The following EIF2S1 variants were observed in gnomAD, a reference collection of about 807,000 sequenced individuals.
EIF2S1 encodes the protein eukaryotic translation initiation factor 2 subunit 1.
A neutral mutation model predicts 33.5 loss-of-function variants in EIF2S1; 5 were observed. The observed-to-expected ratio is 0.15, with a 90% CI of 0.08 to 0.31. EIF2S1 has a LOEUF of 0.31. Ranked by LOEUF, EIF2S1 falls within the 10% of genes least tolerant of loss-of-function variation. The pLI is 1.00. For missense variants in EIF2S1, 191 were observed against 384.6 expected (o/e 0.50, Z 4.21); for synonymous variants, 99 against 127.5 (o/e 0.78, Z 1.51).
In EIF2S1 at chr14:67,384,884, G is replaced by C. The variant is rs1305451041; in HGVS notation, c.*1444G>C. On this transcript the variant is annotated 3_prime_UTR_variant, in exon 8 of 8. Transcript: ENST00000256383. Reference sequence around the variant, plus strand: ...CATATAATTTTCACTTCTGTCTGTTGAGGCATCAAAAAAACAAGTTTAGAA... The same window carrying C: ...CATATAATTTTCACTTCTGTCTGTTCAGGCATCAAAAAAACAAGTTTAGAA... The C allele has an allele frequency of 6.6e-6, 1 of 152,138 alleles. No homozygotes were observed. The highest frequency in any genetic ancestry group is 2.4e-5 in the African/African-American group (1 of 41,412). The allele number at this position is 152,138 out of a possible 1,614,324, so 9.4% of individuals were successfully genotyped here.
chr14:67,364,871 G>A lies in EIF2S1; in HGVS notation c.104G>A (p.Ser35Asn). The stretch of plus-strand genomic sequence containing the variant: ...ATTGCTGAAATGGGGGCTTATGTCA[G>A]CTTGCTGGAATACAACAACATTGAA... ...RSIAEMGAYV[S>N]LLEYNNIEGM... The change falls in exon 2 of 8, where the codon AGC becomes AAC. Residue 35 changes from serine (S) to asparagine (N), a missense_variant. Physicochemically the swap from Ser to Asn is conservative, Grantham distance 46. Coordinates refer to ENST00000256383, the MANE Select transcript of EIF2S1 (RefSeq NM_004094.5). The A allele has an allele frequency of 1.9e-6, 3 of 1,614,008 alleles. No individual in the cohort carries two copies. Among genetic ancestry groups the A allele is most frequent in the Non-Finnish European group, 2.5e-6 (3 of 1,179,940 alleles).
At chr14:67,381,783 T>A in intron 6 of EIF2S1, 93 bp downstream of exon 6, 1 of 898,608 alleles carries the variant, frequency 1.1e-6, no homozygotes, top group Non-Finnish European at 1.7e-6. Flanking sequence ...TTTAATCACA[T>A]TTCATAACAA....
intron 1 of EIF2S1, among the ~76,000 whole-genome samples, chr14:67,363,693 A>G (rs1279395064): frequency 1.3e-5 from 2 of 152,208 alleles, no homozygotes; most frequent in African/African-American, 4.8e-5. Flanking sequence ...GGCAATGGCC[A>G]GATCATATAG....
chr14:67,371,790 C>T (rs975923914), intron 2 of EIF2S1, among the ~76,000 whole-genome samples: 1 of 152,196 alleles, frequency 6.6e-6, no homozygotes, highest in Non-Finnish European at 1.5e-5. Context: ...ATGAGGCCAT[C>T]ATAACCCTGA....
intron 2 of EIF2S1, among the ~76,000 whole-genome samples, chr14:67,370,984 A>G (rs541633666): frequency 7.2e-5 from 11 of 152,126 alleles, no homozygotes; most frequent in Non-Finnish European, 1.5e-5. Context: ...AGCCGAGGTC[A>G]TGCCACTACA....
At chr14:67,378,519 T>C (rs2141146978) in intron 4 of EIF2S1, among the ~76,000 whole-genome samples, 1 of 152,296 alleles carries the variant, frequency 6.6e-6, no homozygotes, top group South Asian at 2.1e-4. Flanking sequence ...AGCCAGGCAG[T>C]ATTCAAACGC....
chr14:67,362,810 A>T (rs1036333787), intron 1 of EIF2S1, among the ~76,000 whole-genome samples: 2 of 152,208 alleles, frequency 1.3e-5, no homozygotes, highest in African/African-American at 4.8e-5. Flanking sequence ...TTGTCAACCA[A>T]TATGCAGGTT....
chr14:67,381,493 A>T, intron 5 of EIF2S1, 100 bp from the exon 6 acceptor site: 1 of 853,232 alleles, frequency 1.2e-6, no homozygotes, highest in Non-Finnish European at 1.9e-6. Flanking sequence ...ATTCAGTATA[A>T]GTATTTGAAT....
intron 2 of EIF2S1, among the ~76,000 whole-genome samples, chr14:67,372,052 C>T (rs2085825633): frequency 6.6e-6 from 1 of 151,954 alleles, no homozygotes; most frequent in South Asian, 2.1e-4. Flanking sequence ...ATCACTTGAG[C>T]CCAGGAGTTC....
intron 2 of EIF2S1, among the ~76,000 whole-genome samples, chr14:67,365,531 A>G (rs992589998): frequency 2.6e-5 from 4 of 152,212 alleles, no homozygotes; most frequent in Non-Finnish European, 5.9e-5. Flanking sequence ...GTTTGCATCT[A>G]CCAGATCTCG....
chr14:67,376,475 G>C lies in EIF2S1; in HGVS notation c.358G>C (p.Glu120Gln). Residue 120 changes from glutamate (E) to glutamine (Q), a missense_variant, in exon 4 of 8, where the codon GAA (glutamate) becomes CAA (glutamine). By Grantham distance (29) the Glu-to-Gln change is conservative. Coordinates refer to ENST00000256383, the MANE Select transcript of EIF2S1 (RefSeq NM_004094.5). Reference sequence around the variant, plus strand: ...TCTTCGTCATGTTGCTGAGGTGTTAGAATACACCAAGGATGAGCAGCTGGA... The same window carrying C: ...TCTTCGTCATGTTGCTGAGGTGTTACAATACACCAAGGATGAGCAGCTGGA... Reference protein sequence around the residue: ...SILRHVAEVLEYTKDEQLESL... With the variant: ...SILRHVAEVLQYTKDEQLESL... 1 of 1,613,924 alleles carries C rather than the reference G, an allele frequency of 6.2e-7. No homozygotes were observed. Among genetic ancestry groups the C allele is most frequent in the East Asian group, 2.2e-5 (1 of 44,874 alleles).
chr14:67,381,798 G>T, intron 6 of EIF2S1, 108 bp downstream of exon 6: 2 of 777,762 alleles, frequency 2.6e-6, no homozygotes, highest in South Asian at 2.0e-5. Context: ...TAACAAAAGT[G>T]GGTTTTTTAC....
intron 2 of EIF2S1, among the ~76,000 whole-genome samples, chr14:67,367,422 G>T (rs183854958): frequency 1.6e-4 from 25 of 152,184 alleles, no homozygotes; most frequent in African/African-American, 6.0e-4. Context: ...GTAGAGACAG[G>T]GTTTCACCAT....
chr14:67,382,383 G>A, intron 6 of EIF2S1, 64 bp from the exon 7 acceptor site: 1 of 1,433,404 alleles, frequency 7.0e-7, no homozygotes. Context: ...AAAATCTCAA[G>A]CATCCTAATA....
At chr14:67,365,413 G>T (rs983523763) in intron 2 of EIF2S1, among the ~76,000 whole-genome samples, 2 of 152,188 alleles carry the variant, frequency 1.3e-5, no homozygotes, top group African/African-American at 4.8e-5. Flanking sequence ...TGAAAATGGG[G>T]CAAATGGATT....
Position 67,383,759 on chromosome 14 carries a change from A to G in EIF2S1, c.*319A>G, listed in dbSNP as rs117099951. On this transcript the variant is annotated 3_prime_UTR_variant, in exon 8 of 8. Transcript: ENST00000256383. Reference sequence around the variant, plus strand: ...CAGATTGGCACCCCTTTCTAGTTCAATGCCTCACGAGATTTGCCAGGGGCA... The same window carrying G: ...CAGATTGGCACCCCTTTCTAGTTCAGTGCCTCACGAGATTTGCCAGGGGCA... The G allele has an allele frequency of 6.0e-3, 1,916 of 319,674 alleles. 64 individuals carry two copies. The highest frequency in any genetic ancestry group is 0.06 in the Admixed American group (1,382 of 23,156). The allele number at this position is 319,674 out of a possible 1,614,324, so 19.8% of individuals were successfully genotyped here.
rs977193343 is a variant in EIF2S1 at position 67,385,453 on chromosome 14, A to C, written c.*2013A>C. 1 of 151,768 alleles carries C rather than the reference A, an allele frequency of 6.6e-6. No homozygotes were observed. Among genetic ancestry groups the C allele is most frequent in the Non-Finnish European group, 1.5e-5 (1 of 67,988 alleles). The allele number at this position is 151,768 out of a possible 1,614,324, so 9.4% of individuals were successfully genotyped here. A position where few individuals can be genotyped will look rare whatever the true frequency, so the allele number is the denominator to read the frequency against. ...AGACCCTGTCTCAAAAAAAAAAAAAAAAACCAAAAATCTTGAATCTCCCAT... is the reference window on the plus strand; with the variant it reads ...AGACCCTGTCTCAAAAAAAAAAAAACAAACCAAAAATCTTGAATCTCCCAT... On this transcript the variant is annotated 3_prime_UTR_variant, in exon 8 of 8. Transcript: ENST00000256383.
Position 67,384,901 on chromosome 14 carries a change from A to G in EIF2S1, c.*1461A>G, listed in dbSNP as rs1193141260. The G allele has an allele frequency of 3.3e-5, 5 of 152,220 alleles. No individual in the cohort carries two copies. Among genetic ancestry groups the G allele is most frequent in the Admixed American group, 6.5e-5 (1 of 15,290 alleles). 9.4% of individuals were successfully genotyped at this position (152,220 alleles called of 1,614,324 possible). Reference sequence around the variant, plus strand: ...TGTCTGTTGAGGCATCAAAAAAACAAGTTTAGAAAGCTGGCAACATGAAGA... The same window carrying G: ...TGTCTGTTGAGGCATCAAAAAAACAGGTTTAGAAAGCTGGCAACATGAAGA... On this transcript the variant is annotated 3_prime_UTR_variant, in exon 8 of 8. Transcript: ENST00000256383.
At chr14:67,360,816 A>G (rs2085731913) in intron 1 of EIF2S1, 1 of 152,218 alleles carries the variant, frequency 6.6e-6, no homozygotes, top group African/African-American at 2.4e-5. Context: ...GACGCTGAGC[A>G]CTTTGCTTTT....
Sources: gnomAD v4.1 joint callset for allele counts (sites outside exome capture counted in the v4.1 genomes callset) on GRCh38, gnomAD v4.1.1 for gene constraint, MANE v1.5 for transcripts, NCBI Gene and HGNC (gene_info 2026-07-23, HGNC 2026-07-21) for gene names.